Variants in PFDN1 observed in about 807,000 individuals in gnomAD.
PFDN1 encodes prefoldin subunit 1.
Under a neutral mutation model 17.3 loss-of-function variants are expected in PFDN1, and 6 were observed. The ratio of observed to expected loss-of-function variants is 0.35; its 90% confidence interval spans 0.19 to 0.69. The LOEUF (loss-of-function observed/expected upper bound fraction) is 0.69. Among genes scored for constraint, PFDN1 ranks in the 30% least tolerant of loss-of-function variants. The probability of loss-of-function intolerance (pLI) is 0.65; values close to 1 mark genes in which losing one functional copy is unlikely to be tolerated. For synonymous variants in PFDN1, 58 were observed against 50.1 expected (o/e 1.16, Z -0.67); for missense variants, 113 against 146.2 (o/e 0.77, Z 1.17).
intron 2 of PFDN1, among the ~76,000 whole-genome samples, chr5:140,294,253 A>G (rs1004205432): frequency 2.0e-5 from 3 of 152,056 alleles, no homozygotes; most frequent in African/African-American, 7.2e-5. Flanking sequence ...GAGAGCAACA[A>G]TATAAACTAT....
intron 2 of PFDN1, among the ~76,000 whole-genome samples, chr5:140,288,194 G>A (rs1765526287): frequency 6.6e-6 from 1 of 152,202 alleles, no homozygotes; most frequent in Non-Finnish European, 1.5e-5. Flanking sequence ...TAAACTGTCA[G>A]TACATCCATA....
chr5:140,282,330 G>A (rs1275019509), intron 2 of PFDN1, among the ~76,000 whole-genome samples: 1 of 150,116 alleles, frequency 6.7e-6, no homozygotes, highest in African/African-American at 2.4e-5. Context: ...TATAAGTTTT[G>A]TTTTTTCAGT....
At chr5:140,281,972 TG>T (rs1765409479) in intron 2 of PFDN1, 1 of 155,010 alleles carries the variant, frequency 6.5e-6, no homozygotes, top group Non-Finnish European at 1.4e-5. Flanking sequence ...TGCTTGAGCC[TG>T]GGAGTTCAAG....
intron 3 of PFDN1, among the ~76,000 whole-genome samples, chr5:140,276,780 CAAAAAAAAAAAAAAA>C (rs35889345): frequency 2.1e-5 from 1 of 46,728 alleles, no homozygotes; most frequent in East Asian, 7.8e-4. Context: ...GACACCGTCT[CAAAAAAAAAAAAAAA>C]AAAAAAAAAA....
intron 2 of PFDN1, 191 bp from the exon 3 acceptor site, chr5:140,281,724 A>C (rs567323367): frequency 1.9e-6 from 1 of 531,670 alleles, no homozygotes; most frequent in African/African-American, 1.9e-5. Flanking sequence ...GCTTAAAAGT[A>C]GATTCTGCTT....
At chr5:140,289,952 T>C (rs1222251471) in intron 2 of PFDN1, among the ~76,000 whole-genome samples, 1 of 152,196 alleles carries the variant, frequency 6.6e-6, no homozygotes, top group Non-Finnish European at 1.5e-5. Context: ...ACTAACCTCC[T>C]GAATAGCTTC....
At chr5:140,246,668 T>C (rs1764835210) in intron 3 of PFDN1, among the ~76,000 whole-genome samples, 1 of 152,212 alleles carries the variant, frequency 6.6e-6, no homozygotes, top group African/African-American at 2.4e-5. Context: ...AGGCTTACCT[T>C]CTACTCCATC....
intron 3 of PFDN1, 49 bp downstream of exon 3, chr5:140,281,400 A>G (rs759259793): frequency 3.8e-6 from 3 of 791,826 alleles, no homozygotes; most frequent in Non-Finnish European, 6.7e-6. Flanking sequence ...ACACAATAAG[A>G]TTACTACTTT....
intron 1 of PFDN1, 116 bp downstream of exon 1, chr5:140,302,925 C>G: frequency 3.7e-6 from 3 of 818,592 alleles, no homozygotes; most frequent in Non-Finnish European, 4.3e-6. Flanking sequence ...AAACCATTCC[C>G]TAGTCCACTG....
intron 3 of PFDN1, among the ~76,000 whole-genome samples, chr5:140,271,815 T>C (rs1429435924): frequency 2.0e-5 from 3 of 151,938 alleles, no homozygotes; most frequent in Non-Finnish European, 2.9e-5. Context: ...ATAACACAGA[T>C]ATACTTCACA....
intron 3 of PFDN1, among the ~76,000 whole-genome samples, chr5:140,264,020 CAAAAAAAAAAAAAAAAAAAAAAAAA>C (rs58605224): frequency 6.3e-4 from 35 of 55,568 alleles, no homozygotes; most frequent in East Asian, 5.1e-4. Context: ...GACTCCATCT[CAAAAAAAAAAAAAAAAAAAAAAAAA>C]AAAAAAAAAA....
At chr5:140,256,326 G>C (rs1764984929) in intron 3 of PFDN1, among the ~76,000 whole-genome samples, 1 of 152,004 alleles carries the variant, frequency 6.6e-6, no homozygotes, top group Admixed American at 6.6e-5. Flanking sequence ...GTTGCAGTGA[G>C]CTGAGATCAA....
In PFDN1 at chr5:140,301,569, G is replaced by A. The variant is rs541086160; in HGVS notation, c.34-987C>T. ...TTACTTTGGGGAAGGGGAGGGGCCTGAAATTTCCTATTTGTCTCCACCCAA... is the reference window on the plus strand; with the variant it reads ...TTACTTTGGGGAAGGGGAGGGGCCTAAAATTTCCTATTTGTCTCCACCCAA... On this transcript the variant is annotated intron_variant, in intron 1 of 3. Coordinates refer to ENST00000261813, the MANE Select transcript of PFDN1 (RefSeq NM_002622.5). Among the ~76,000 whole-genome samples the A allele has an allele frequency of 3.3e-5, 5 of 152,246 alleles. No individual in the cohort carries two copies. In the East Asian group the frequency reaches 9.6e-4, roughly 29 times the overall value.
intron 3 of PFDN1, among the ~76,000 whole-genome samples, chr5:140,253,111 G>A (rs773108361): frequency 6.6e-6 from 1 of 152,158 alleles, no homozygotes; most frequent in Non-Finnish European, 1.5e-5. Flanking sequence ...GAGAAATCTC[G>A]GAAGGAGTTA....
At chr5:140,302,684 C>G (rs952587844) in intron 1 of PFDN1, among the ~76,000 whole-genome samples, 1 of 152,178 alleles carries the variant, frequency 6.6e-6, no homozygotes, top group African/African-American at 2.4e-5. Context: ...ACAGCTCAGG[C>G]AAGGGGTCCG....
chr5:140,272,363 A>ATTTT lies in PFDN1; in HGVS notation c.285+9082_285+9085dup, dbSNP rs34993514. On this transcript the variant is annotated intron_variant, in intron 3 of 3. Coordinates refer to ENST00000261813, the MANE Select transcript of PFDN1 (RefSeq NM_002622.5). ...AGATACATCCATAGGTGGTAAAACC[A>ATTTT]TTTTTTTTTTTTTTTGAGACAGAGT... 3.0e-4 allele frequency among the ~76,000 whole-genome samples: 41 copies of ATTTT among 136,848 alleles called. 1 individual carries two copies. The highest frequency in any genetic ancestry group is 1.6e-3 in the South Asian group (7 of 4,294). The allele number at this position is 136,848 out of a possible 152,430, so 89.8% of individuals were successfully genotyped here.
chr5:140,269,561 T>C (rs1448115279), intron 3 of PFDN1, among the ~76,000 whole-genome samples: 1 of 152,240 alleles, frequency 6.6e-6, no homozygotes, highest in Non-Finnish European at 1.5e-5. Flanking sequence ...TCAGATCATC[T>C]GCCCGCCTTG....
chr5:140,299,892 A>T (rs10041530), intron 2 of PFDN1, among the ~76,000 whole-genome samples: 42,608 of 151,284 alleles, frequency 0.28, 7,057 homozygotes, highest in African/African-American at 0.47. Context: ...AGCGCCCGTA[A>T]TCCCAGTCAC....
At position 140,247,090 on chromosome 5, in the gene PFDN1, A is replaced by G. The variant is rs950343801; in HGVS notation, c.286-1033T>C. Among the ~76,000 whole-genome samples the G allele has an allele frequency of 6.6e-5, 10 of 152,128 alleles. 1 individual carries two copies. The highest frequency in any genetic ancestry group is 5.9e-5 in the Non-Finnish European group (4 of 68,020). On this transcript the variant is annotated intron_variant, in intron 3 of 3. Coordinates refer to ENST00000261813, the MANE Select transcript of PFDN1 (RefSeq NM_002622.5). Reference sequence around the variant, plus strand: ...CCACAGGACTCAGGGAAGCAGGGAGAGTTTAGGGCAGAGGACAAGTGAGCT... The same window carrying G: ...CCACAGGACTCAGGGAAGCAGGGAGGGTTTAGGGCAGAGGACAAGTGAGCT...
Sources: gnomAD v4.1 joint callset for allele counts (sites outside exome capture counted in the v4.1 genomes callset) on GRCh38, gnomAD v4.1.1 for gene constraint, MANE v1.5 for transcripts, NCBI Gene and HGNC (gene_info 2026-07-23, HGNC 2026-07-21) for gene names.